NRG3: variants seen among roughly 807,000 people sequenced by gnomAD.
NRG3 encodes neuregulin 3.
A neutral mutation model predicts 66.9 loss-of-function variants in NRG3; 31 were observed. The ratio of observed to expected loss-of-function variants is 0.46; its 90% CI spans 0.35 to 0.63. NRG3 has a LOEUF of 0.63. Ranked by LOEUF, NRG3 falls within the 20% of genes least tolerant of loss-of-function variation. The pLI is 0.00. For missense variants in NRG3, 910 were observed against 878.9 expected, an observed-to-expected ratio of 1.04 and a Z score of -0.45; for synonymous variants, 393 against 359.4, an observed-to-expected ratio of 1.09 and a Z score of -1.06.
At chr10:82,649,459 CTTTTTTTTTTTTTT>C (rs71469930) in intron 2 of NRG3, among the ~76,000 whole-genome samples, 1 of 48,794 alleles carries the variant, frequency 2.0e-5, no homozygotes, top group African/African-American at 6.3e-5. Flanking sequence ...CTGGTGCAGG[CTTTTTTTTTTTTTT>C]TTTTTTTTTT....
intron 2 of NRG3, among the ~76,000 whole-genome samples, chr10:82,703,862 TG>T (rs1466479581): frequency 6.6e-6 from 1 of 152,092 alleles, no homozygotes; most frequent in East Asian, 1.9e-4. Context: ...CACCCAGAAC[TG>T]GTTAATCAAA....
intron 2 of NRG3, among the ~76,000 whole-genome samples, chr10:82,450,150 T>A (rs1432775492): frequency 6.6e-6 from 1 of 152,238 alleles, no homozygotes; most frequent in Non-Finnish European, 1.5e-5. Flanking sequence ...ATTAGCACAC[T>A]ACAAGTTCTC....
At chr10:82,619,257 T>C (rs2048875111) in intron 2 of NRG3, among the ~76,000 whole-genome samples, 1 of 152,140 alleles carries the variant, frequency 6.6e-6, no homozygotes, top group Admixed American at 6.5e-5. Flanking sequence ...AAGCTTGAAA[T>C]CTGGCACCAT....
At chr10:82,198,478 A>G (rs976130362) in intron 1 of NRG3, among the ~76,000 whole-genome samples, 14 of 152,164 alleles carry the variant, frequency 9.2e-5, no homozygotes, top group Non-Finnish European at 1.8e-4. Flanking sequence ...TTTGAGTGGG[A>G]TATATTTCCA....
chr10:82,413,621 A>G (rs535557977), intron 2 of NRG3, among the ~76,000 whole-genome samples: 10 of 152,260 alleles, frequency 6.6e-5, no homozygotes, highest in African/African-American at 2.2e-4. Context: ...CTCTCTAGCT[A>G]TGAGGGTTTT....
chr10:82,489,790 G>C (rs1411996680), intron 2 of NRG3, among the ~76,000 whole-genome samples: 1 of 152,070 alleles, frequency 6.6e-6, no homozygotes, highest in Non-Finnish European at 1.5e-5. Flanking sequence ...ATTGAAAAAA[G>C]TATTGTTATC....
At chr10:82,112,146 G>GT (rs2067424349) in intron 1 of NRG3, among the ~76,000 whole-genome samples, 1 of 152,104 alleles carries the variant, frequency 6.6e-6, no homozygotes, top group African/African-American at 2.4e-5. Context: ...CAGGAGGCTG[G>GT]TGCAGGAGAA....
intron 4 of NRG3, among the ~76,000 whole-genome samples, chr10:82,897,669 C>T (rs1379850940): frequency 6.6e-6 from 1 of 152,092 alleles, no homozygotes; most frequent in Non-Finnish European, 1.5e-5. Flanking sequence ...TAGATGTGCG[C>T]CACAATGCCC....
chr10:82,511,849 C>T (rs552023191), intron 2 of NRG3, among the ~76,000 whole-genome samples: 1 of 151,412 alleles, frequency 6.6e-6, no homozygotes, highest in Non-Finnish European at 1.5e-5. Context: ...CTTTATCTCC[C>T]AGTTTAGAGA....
intron 1 of NRG3, among the ~76,000 whole-genome samples, chr10:82,040,678 T>C (rs2046124398): frequency 6.6e-6 from 1 of 151,844 alleles, no homozygotes; most frequent in Non-Finnish European, 1.5e-5. Context: ...AATTTGTCTG[T>C]TGTCACACCC....
intron 2 of NRG3, among the ~76,000 whole-genome samples, chr10:82,489,878 C>T (rs1035592896): frequency 3.3e-5 from 5 of 152,116 alleles, no homozygotes; most frequent in African/African-American, 7.2e-5. Context: ...CAAGATACTA[C>T]GATATAAACC....
chr10:82,041,453 T>C (rs908241100), intron 1 of NRG3, among the ~76,000 whole-genome samples: 9 of 152,038 alleles, frequency 5.9e-5, no homozygotes, highest in Non-Finnish European at 1.2e-4. Context: ...TCAGCTTTAC[T>C]TGTAAATCTG....
At chr10:82,493,903 ACAG>A (rs1270789217) in intron 2 of NRG3, among the ~76,000 whole-genome samples, 1 of 152,206 alleles carries the variant, frequency 6.6e-6, no homozygotes, top group African/African-American at 2.4e-5. Flanking sequence ...ACAACAAAAA[ACAG>A]CCCCATTAAA....
rs79243366 is a variant in NRG3 at position 82,318,816 on chromosome 10, C to A, written c.824-39923C>A. Among the ~76,000 whole-genome samples the A allele has an allele frequency of 1.7e-3, 257 of 152,284 alleles. 1 individual carries two copies. Among genetic ancestry groups the A allele is most frequent in the African/African-American group, 5.7e-3 (236 of 41,568 alleles). On this transcript the variant is annotated intron_variant, in intron 1 of 8. Transcript: ENST00000372141. ...AAAGTGAACATCTTGAAAGCAAGGG[C>A]AATATCTAGTTTGTCTTTCAACTCC...
chr10:82,544,405 C>T (rs2043753307), intron 2 of NRG3, among the ~76,000 whole-genome samples: 1 of 152,090 alleles, frequency 6.6e-6, no homozygotes, highest in Non-Finnish European at 1.5e-5. Context: ...TGATTCCAAT[C>T]TTTCATTGTC....
intron 2 of NRG3, among the ~76,000 whole-genome samples, chr10:82,470,021 G>A (rs1409289704): frequency 2.0e-5 from 3 of 152,090 alleles, no homozygotes; most frequent in African/African-American, 4.8e-5. Flanking sequence ...TTTCCAGACT[G>A]TAGAAGAGGG....
intron 4 of NRG3, among the ~76,000 whole-genome samples, chr10:82,917,950 T>TTGTGTGTG (rs375123841): frequency 4.1e-5 from 5 of 121,922 alleles, no homozygotes; most frequent in Non-Finnish European, 5.0e-5. Flanking sequence ...GTATGTGGGA[T>TTGTGTGTG]TGTGTGTGTG....
At chr10:82,482,151 G>GAA (rs540627919) in intron 2 of NRG3, among the ~76,000 whole-genome samples, 1 of 149,078 alleles carries the variant, frequency 6.7e-6, no homozygotes, top group Non-Finnish European at 1.5e-5. Flanking sequence ...TGTGCTCTGT[G>GAA]AAAAAAAAAA....
At chr10:82,146,273 T>C (rs962629131) in intron 1 of NRG3, among the ~76,000 whole-genome samples, 15 of 152,198 alleles carry the variant, frequency 9.9e-5, no homozygotes, top group Non-Finnish European at 2.2e-4. Context: ...TTATAGAGAA[T>C]TGCACATTTC....
Sources: allele counts gnomAD v4.1 joint callset (sites outside exome capture counted in the v4.1 genomes callset), GRCh38; gene constraint gnomAD v4.1.1; transcripts MANE v1.5; gene names NCBI Gene and HGNC (gene_info 2026-07-23, HGNC 2026-07-21).